PCDHGA5: variants seen among roughly 807,000 people sequenced by gnomAD.
The protein encoded by PCDHGA5 is protocadherin gamma-A5.
A neutral mutation model predicts 56.7 loss-of-function variants in PCDHGA5; 36 were observed. That is an observed-to-expected ratio of 0.64 (90% confidence interval 0.49 to 0.84). The LOEUF (loss-of-function observed/expected upper bound fraction) is 0.84. PCDHGA5 is among the 40% of genes least tolerant of loss of function. The probability of loss-of-function intolerance (pLI) is 0.00; values close to 1 mark genes in which losing one functional copy is unlikely to be tolerated. For missense variants in PCDHGA5, 1,305 were observed against 1,201.5 expected (o/e 1.09, Z -1.27); for synonymous variants, 563 against 520.2 (o/e 1.08, Z -1.12).
chr5:141,434,401 T>C (rs1036239430), intron 1 of PCDHGA5, among the ~76,000 whole-genome samples: 2 of 152,242 alleles, frequency 1.3e-5, no homozygotes. Context: ...ACAAAATCTC[T>C]GCAGCACTGT....
intron 1 of PCDHGA5, among the ~76,000 whole-genome samples, chr5:141,469,671 A>G (rs1285283342): frequency 1.3e-5 from 2 of 152,236 alleles, no homozygotes; most frequent in Non-Finnish European, 2.9e-5. Flanking sequence ...TTCTAATAAA[A>G]CTACATATGC....
intron 1 of PCDHGA5, chr5:141,419,836 G>A (rs756561978): frequency 1.9e-6 from 3 of 1,613,958 alleles, no homozygotes. Context: ...CCACTGCCAC[G>A]CTGCACCTGG....
chr5:141,400,217 T>C (rs771117256), intron 1 of PCDHGA5: 1 of 1,613,916 alleles, frequency 6.2e-7, no homozygotes, highest in Non-Finnish European at 8.5e-7. Flanking sequence ...TTGATCTCAG[T>C]GCTCTTCCTC....
At chr5:141,399,864 G>A (rs762765678) in intron 1 of PCDHGA5, 1 of 1,612,860 alleles carries the variant, frequency 6.2e-7, no homozygotes. Flanking sequence ...GCGCTGCAGA[G>A]CCCGGCTACC....
chr5:141,395,273 A>G, intron 1 of PCDHGA5: 1 of 1,543,700 alleles, frequency 6.5e-7, no homozygotes, highest in Non-Finnish European at 8.7e-7. Context: ...TAATTTCCAG[A>G]TGAATTTTAT....
At chr5:141,420,473 G>A (rs1016985115) in intron 1 of PCDHGA5, 8 of 707,118 alleles carry the variant, frequency 1.1e-5, no homozygotes, top group Non-Finnish European at 1.6e-5. Flanking sequence ...ACATTTTAAA[G>A]CAAACTACAT....
chr5:141,431,699 T>C lies in PCDHGA5; in HGVS notation c.2422-63108T>C. ...GGAGTTGGACCACGAGGAGTCAGGA[T>C]TCTACCAGATGGAAGTGCAAGCAAT... is the stretch of plus-strand genomic sequence containing the variant. On this transcript the variant is annotated intron_variant, in intron 1 of 3. Coordinates refer to ENST00000518069, the MANE Select transcript of PCDHGA5 (RefSeq NM_018918.3). The surrounding 1 kb of genome is among the most constrained non-coding windows in gnomAD (Gnocchi z 4.8). 6.2e-7 allele frequency: 1 copy of C among 1,614,222 alleles called. No individual in the cohort carries two copies. Among genetic ancestry groups the C allele is most frequent in the South Asian group, 1.1e-5 (1 of 91,074 alleles).
chr5:141,441,813 A>T, intron 1 of PCDHGA5: 1 of 365,242 alleles, frequency 2.7e-6, no homozygotes, highest in South Asian at 2.3e-5. Context: ...GCTGTACCCC[A>T]GCTCTGGAGC....
chr5:141,409,156 A>G (rs771600341), intron 1 of PCDHGA5: 1 of 1,613,986 alleles, frequency 6.2e-7, no homozygotes, highest in Non-Finnish European at 8.5e-7. Flanking sequence ...ACACCATGGA[A>G]GTGGAAGCGA....
At chr5:141,374,266 G>A (rs763355904) in intron 1 of PCDHGA5, 5 of 1,614,016 alleles carry the variant, frequency 3.1e-6, no homozygotes, top group Middle Eastern at 1.7e-4. Context: ...AGTTGGCGGA[G>A]CACGGAGTCC....
At chr5:141,384,808 G>A in intron 1 of PCDHGA5, 3 of 1,613,484 alleles carry the variant, frequency 1.9e-6, no homozygotes, top group Non-Finnish European at 2.5e-6. Flanking sequence ...GGACAGAGAT[G>A]CCCTCAAGCA....
rs763187246 is a variant in PCDHGA5 at position 141,477,168 on chromosome 5, A to G, written c.2422-17639A>G. ...GTGGATGTGAATGACAACGCCCCGGAGATCACAGTCACCTCCGTGTACAGC... is the reference window on the plus strand; with the variant it reads ...GTGGATGTGAATGACAACGCCCCGGGGATCACAGTCACCTCCGTGTACAGC... On this transcript the variant is annotated intron_variant, in intron 1 of 3. Transcript: ENST00000518069. The surrounding 1 kb of genome is among the most constrained non-coding windows in gnomAD (Gnocchi z 4.9). The G allele has an allele frequency of 6.2e-7, 1 of 1,614,210 alleles. No homozygotes were observed. Among genetic ancestry groups the G allele is most frequent in the Non-Finnish European group, 8.5e-7 (1 of 1,180,040 alleles).
intron 1 of PCDHGA5, chr5:141,372,311 C>T (rs1768644192): frequency 1.2e-6 from 2 of 1,613,416 alleles, no homozygotes; most frequent in South Asian, 2.2e-5. Flanking sequence ...AGGCCGCCCG[C>T]CAGCGCCTGC....
At chr5:141,395,169 G>A in intron 1 of PCDHGA5, 3 of 1,614,020 alleles carry the variant, frequency 1.9e-6, no homozygotes, top group Non-Finnish European at 2.5e-6. Flanking sequence ...GGAGGGCTGT[G>A]AGAAAAATGA....
At chr5:141,413,338 G>A in intron 1 of PCDHGA5, 1 of 1,613,980 alleles carries the variant, frequency 6.2e-7, no homozygotes, top group African/African-American at 1.3e-5. Context: ...CATCTCCAAG[G>A]ACTTGGGTCT....
intron 1 of PCDHGA5, 53 bp downstream of exon 1, chr5:141,366,804 T>TTC: frequency 9.6e-6 from 15 of 1,561,826 alleles, no homozygotes; most frequent in Non-Finnish European, 1.3e-5. Flanking sequence ...TTGTTTCCTT[T>TTC]TTCATGTTTC....
chr5:141,426,718 C>G, intron 1 of PCDHGA5: 1 of 446,166 alleles, frequency 2.2e-6, no homozygotes, highest in Non-Finnish European at 4.6e-6. Flanking sequence ...AATGAACTAG[C>G]AATTCCAGGC....
At chr5:141,466,993 T>G (rs2099133598) in intron 1 of PCDHGA5, among the ~76,000 whole-genome samples, 1 of 152,148 alleles carries the variant, frequency 6.6e-6, no homozygotes, top group African/African-American at 2.4e-5. Context: ...CCTTTTGGCA[T>G]TTTTTTGCAA....
Position 141,489,653 on chromosome 5 carries a change from G to A in PCDHGA5, c.2422-5154G>A, listed in dbSNP as rs752269910. 2.0e-5 allele frequency: 33 copies of A among 1,614,164 alleles called. No individual in the cohort carries two copies. In the East Asian group the frequency reaches 4.9e-4, roughly 24 times the overall value. ...TCTCCTAGCTTTGCCACCCCTGAGC[G>A]AGAGATGCGCATCTCAGAATCAGCA... On this transcript the variant is annotated intron_variant, in intron 1 of 3. Transcript: ENST00000518069. This position sits in a 1 kb window ranked among gnomAD's most constrained non-coding sequence, Gnocchi z 4.5.
Sources: allele counts gnomAD v4.1 joint callset (sites outside exome capture counted in the v4.1 genomes callset), GRCh38; gene constraint gnomAD v4.1.1; non-coding constraint Gnocchi (gnomAD v3.1); transcripts MANE v1.5; gene names NCBI Gene and HGNC (gene_info 2026-07-23, HGNC 2026-07-21).